The following IGSF9B variants were observed in gnomAD, a reference collection of about 807,000 sequenced individuals.
The protein encoded by IGSF9B is protein turtle homolog B.
In IGSF9B, 48 loss-of-function variants were observed where a neutral mutation model predicts 143.7. The observed-to-expected ratio is 0.33, with a 90% CI of 0.26 to 0.42. IGSF9B has a LOEUF of 0.42. Among genes scored for constraint, IGSF9B ranks in the 20% least tolerant of loss-of-function variants. IGSF9B has a pLI of 1.00. For synonymous variants in IGSF9B, 903 were observed against 833.1 expected, an observed-to-expected ratio of 1.08 and a Z score of -1.44; for missense variants, 1,706 against 1,980.0, an observed-to-expected ratio of 0.86 and a Z score of 2.63.
rs1376820730 is a variant in IGSF9B, at chr11:133,908,575, G to GTACATA, written c.*488_*493dup. ...GAGAGCAACAGCACTTTGCCTCAAT[G>GTACATA]TACATATATATATATATATATACAC... On this transcript the variant is annotated 3_prime_UTR_variant, in exon 20 of 20. Coordinates refer to ENST00000533871, the MANE Select transcript of IGSF9B (RefSeq NM_001277285.4). 2 of 95,564 alleles carry GTACATA rather than the reference G, an allele frequency of 2.1e-5. No homozygotes were observed. The highest frequency in any genetic ancestry group is 1.1e-4 in the Admixed American group (1 of 9,336). The allele number at this position is 95,564 out of a possible 1,614,324, so 5.9% of individuals were successfully genotyped here. A position where few individuals can be genotyped will look rare whatever the true frequency, so the allele number is the denominator to read the frequency against.
At position 133,931,726 on chromosome 11, in the gene IGSF9B, T is replaced by G; in HGVS notation, c.1180A>C (p.Thr394Pro). 6.2e-7 allele frequency: 1 copy of G among 1,612,004 alleles called. No homozygotes were observed. Among genetic ancestry groups the G allele is most frequent in the Non-Finnish European group, 8.5e-7 (1 of 1,179,356 alleles). The change falls in exon 9 of 20, where the codon ACT (threonine) becomes CCT (proline). Residue 394 changes from threonine to proline, a missense_variant. Thr to Pro is a conservative substitution (Grantham distance 38). This residue lies in a region of IGSF9B where 238 missense variants were observed against 452.6 expected (regional missense o/e 0.53). Coordinates refer to ENST00000533871, the MANE Select transcript of IGSF9B (RefSeq NM_001277285.4). The surrounding 1 kb of genome is among the most constrained non-coding windows in gnomAD (Gnocchi z 7.7). Reference protein sequence around the residue: ...IEEATEEALGTYTCVPYNTLG... With the variant: ...IEEATEEALGPYTCVPYNTLG... The stretch of plus-strand genomic sequence containing the variant: ...GTGTTGTAAGGCACACAGGTATAAG[T>G]GCCAAGAGCCTCCTCTGTGGCCTCC...
rs1449078992 is a variant in IGSF9B at position 133,902,650 on chromosome 11, AC to A, written c.*6418del. Among the ~76,000 whole-genome samples, 1 of 152,020 alleles carries A rather than the reference AC, an allele frequency of 6.6e-6. No homozygotes were observed. Among genetic ancestry groups the A allele is most frequent in the African/African-American group, 2.4e-5 (1 of 41,376 alleles). On this transcript the variant is annotated 3_prime_UTR_variant, in exon 20 of 20. Transcript: ENST00000533871. Reference sequence around the variant, plus strand: ...CTAGACAGCTGGCTGGGGGTTAGAGACCAGGGGGACAACCTGGTGCCTGCAG... The same window carrying A: ...CTAGACAGCTGGCTGGGGGTTAGAGACAGGGGGACAACCTGGTGCCTGCAG...
chr11:133,947,564 C>A (rs1056980363), intron 1 of IGSF9B, among the ~76,000 whole-genome samples: 3 of 152,222 alleles, frequency 2.0e-5, no homozygotes, highest in Non-Finnish European at 2.9e-5. Flanking sequence ...CCCTGCCATT[C>A]CCCATTCCGG....
At chr11:133,912,386 C>T (rs1939314730) in intron 18 of IGSF9B, 1 of 466,390 alleles carries the variant, frequency 2.1e-6, no homozygotes, top group Non-Finnish European at 4.3e-6. Flanking sequence ...ACAATCAAGA[C>T]CTTTGAATGG....
At chr11:133,922,261 G>GC (rs1204224331) in intron 16 of IGSF9B, 39 bp from the exon 17 acceptor site, 1 of 1,570,702 alleles carries the variant, frequency 6.4e-7, no homozygotes, top group South Asian at 1.1e-5. Flanking sequence ...CTGAGGCCAA[G>GC]CCAGCAACCA....
intron 3 of IGSF9B, among the ~76,000 whole-genome samples, chr11:133,941,598 C>T (rs1417510296): frequency 1.3e-5 from 2 of 152,180 alleles, no homozygotes; most frequent in African/African-American, 2.4e-5. Flanking sequence ...GAAAGGAGAT[C>T]TCTCACCGCA....
chr11:133,902,849 C>A lies in IGSF9B; in HGVS notation c.*6220G>T, dbSNP rs934881698. 6.6e-6 allele frequency among the ~76,000 whole-genome samples: 1 copy of A among 152,190 alleles called. No homozygotes were observed. The highest frequency in any genetic ancestry group is 2.1e-4 in the South Asian group (1 of 4,826). ...GAGGCTCATCCCTCCACCAGAAATA[C>A]AGCTTCATAGACCACTATGCCAAAA... is the stretch of plus-strand genomic sequence containing the variant. On this transcript the variant is annotated 3_prime_UTR_variant, in exon 20 of 20. Transcript: ENST00000533871.
chr11:133,930,484 C>T (rs1375121588), intron 11 of IGSF9B, among the ~76,000 whole-genome samples: 2 of 152,172 alleles, frequency 1.3e-5, no homozygotes, highest in African/African-American at 4.8e-5. Flanking sequence ...TGAGAGGGCC[C>T]AGGCGAAGGT....
intron 1 of IGSF9B, among the ~76,000 whole-genome samples, chr11:133,951,206 C>T (rs538469766): frequency 2.0e-5 from 3 of 152,200 alleles, no homozygotes; most frequent in South Asian, 2.1e-4. Flanking sequence ...AAAACGCCGA[C>T]GGTGTCCTGT....
At chr11:133,911,718 A>T (rs527519877) in intron 19 of IGSF9B, among the ~76,000 whole-genome samples, 168 bp downstream of exon 19, 1 of 152,080 alleles carries the variant, frequency 6.6e-6, no homozygotes, top group South Asian at 2.1e-4. Flanking sequence ...AAATAGTGTT[A>T]AAAAAAAGAA....
In IGSF9B at chr11:133,902,742, G is replaced by A. The variant is rs1279213674; in HGVS notation, c.*6327C>T. Among the ~76,000 whole-genome samples, 1 of 152,118 alleles carries A rather than the reference G, an allele frequency of 6.6e-6. No homozygotes were observed. Among genetic ancestry groups the A allele is most frequent in the Non-Finnish European group, 1.5e-5 (1 of 68,024 alleles). On this transcript the variant is annotated 3_prime_UTR_variant, in exon 20 of 20. Coordinates refer to ENST00000533871, the MANE Select transcript of IGSF9B (RefSeq NM_001277285.4). ...CACCGTCGGCCATGGCACACCTCTCGTTGTTCATGGGAGGCCATATAAAAC... is the reference window on the plus strand; with the variant it reads ...CACCGTCGGCCATGGCACACCTCTCATTGTTCATGGGAGGCCATATAAAAC...
chr11:133,935,565 C>T, intron 7 of IGSF9B, 52 bp downstream of exon 7: 2 of 1,568,516 alleles, frequency 1.3e-6, no homozygotes. Context: ...CTGGCTAACA[C>T]CAAAACCTTC....
chr11:133,940,478 GCATA>G (rs1309298644), intron 3 of IGSF9B, among the ~76,000 whole-genome samples: 1 of 64,318 alleles, frequency 1.6e-5, no homozygotes, highest in African/African-American at 6.3e-5. Context: ...ACGCGTCATC[GCATA>G]CAGAAACATA....
rs1224457584 is a variant in IGSF9B at position 133,932,146 on chromosome 11, G to A, written c.1035C>T (p.Arg345=). The A allele has an allele frequency of 6.2e-7, 1 of 1,611,968 alleles. No homozygotes were observed. The highest frequency in any genetic ancestry group is 1.1e-5 in the South Asian group (1 of 90,636). Residue 345 remains arginine, a synonymous_variant, in exon 8 of 20, where the codon CGC becomes CGT. Transcript: ENST00000533871. ...CCGGTGGTTCTGCGTCCACAGGGCA[G>A]CGGATGTAGCCATGGATCCCCACGG... The part of the protein sequence containing the change: ...YVPVGIHGYI[R]CPVDAEPPAT...
At position 133,909,326 on chromosome 11, in the gene IGSF9B, G is replaced by A. The variant is rs777970920; in HGVS notation, c.4106-49C>T. The A allele has an allele frequency of 1.8e-5, 25 of 1,411,902 alleles. No individual in the cohort carries two copies. The Admixed American group carries it at 3.2e-4, about 18-fold the overall frequency. The allele number at this position is 1,411,902 out of a possible 1,614,324, so 87.5% of individuals were successfully genotyped here. A position where few individuals can be genotyped will look rare whatever the true frequency, so the allele number is the denominator to read the frequency against. On this transcript the variant is annotated intron_variant, in intron 19 of 19. Coordinates refer to ENST00000533871, the MANE Select transcript of IGSF9B (RefSeq NM_001277285.4). This position sits in a 1 kb window ranked among gnomAD's most constrained non-coding sequence, Gnocchi z 4.2. ...CAAAAGAGAAGCAAGCGGATGAAAA[G>A]GAAGCACGCAGCCTGCTCACCTTTT...
chr11:133,942,065 A>G (rs1269535209), intron 3 of IGSF9B, among the ~76,000 whole-genome samples: 1 of 152,180 alleles, frequency 6.6e-6, no homozygotes, highest in Non-Finnish European at 1.5e-5. Context: ...TCGAATGGAT[A>G]ACTGCTGGTA....
Position 133,908,915 on chromosome 11 carries a change from C to A in IGSF9B, c.*154G>T, listed in dbSNP as rs954419779. 7.6e-6 allele frequency: 5 copies of A among 654,324 alleles called. No homozygotes were observed. Among genetic ancestry groups the A allele is most frequent in the Admixed American group, 2.8e-5 (1 of 36,326 alleles). The allele number at this position is 654,324 out of a possible 1,614,324, so 40.5% of individuals were successfully genotyped here. On this transcript the variant is annotated 3_prime_UTR_variant, in exon 20 of 20. Transcript: ENST00000533871. ...CGTCCTGAAGACAGGCGGCCAGGAT[C>A]TGGAGGGAGACACCCGCTCTGGCAA...
In IGSF9B at chr11:133,907,710, C is replaced by G. The variant is rs568588180; in HGVS notation, c.*1359G>C. On this transcript the variant is annotated 3_prime_UTR_variant, in exon 20 of 20. Coordinates refer to ENST00000533871, the MANE Select transcript of IGSF9B (RefSeq NM_001277285.4). The stretch of plus-strand genomic sequence containing the variant: ...GGCAGAGGAAGAGTCAGTGCCCAGA[C>G]CCTACTCACCACCCCTCCCGCCTTC... Among the ~76,000 whole-genome samples the G allele has an allele frequency of 6.6e-6, 1 of 152,294 alleles. No individual in the cohort carries two copies.
At position 133,908,638 on chromosome 11, in the gene IGSF9B, GTATCTA is replaced by G. The variant is rs1939250203; in HGVS notation, c.*425_*430del. The G allele has an allele frequency of 5.9e-6, 1 of 168,706 alleles. No individual in the cohort carries two copies. The highest frequency in any genetic ancestry group is 5.6e-5 in the Admixed American group (1 of 17,778). The allele number at this position is 168,706 out of a possible 1,614,324, so 10.5% of individuals were successfully genotyped here. ...CCACACACTACAGACATATGCATCT[GTATCTA>G]TATCTATATATATGTGGGGTGTGGA... is the stretch of plus-strand genomic sequence containing the variant. On this transcript the variant is annotated 3_prime_UTR_variant, in exon 20 of 20. Coordinates refer to ENST00000533871, the MANE Select transcript of IGSF9B (RefSeq NM_001277285.4).
Sources: allele counts gnomAD v4.1 joint callset (sites outside exome capture counted in the v4.1 genomes callset), GRCh38; gene constraint gnomAD v4.1.1; regional missense constraint gnomAD v4.1.1; non-coding constraint Gnocchi (gnomAD v3.1); transcripts MANE v1.5; gene names NCBI Gene and HGNC (gene_info 2026-07-23, HGNC 2026-07-21).